SERGEF: variants seen among roughly 807,000 people sequenced by gnomAD.
The protein encoded by SERGEF is secretion-regulating guanine nucleotide exchange factor.
In SERGEF, 51 loss-of-function variants were observed where a neutral mutation model predicts 50.0. The observed-to-expected ratio is 1.02, with a 90% CI of 0.81 to 1.29. The LOEUF (loss-of-function observed/expected upper bound fraction) is 1.29. Ranked by LOEUF, SERGEF falls within the 50% of genes most tolerant of loss-of-function variation. The pLI, the probability that SERGEF is intolerant of heterozygous loss-of-function variation, is 0.00. For synonymous variants in SERGEF, 205 were observed against 212.4 expected, an observed-to-expected ratio of 0.97 and a Z score of 0.30; for missense variants, 521 against 557.0, an observed-to-expected ratio of 0.94 and a Z score of 0.65.
intron 10 of SERGEF, among the ~76,000 whole-genome samples, chr11:17,810,630 C>A (rs558615193): frequency 6.6e-6 from 1 of 152,326 alleles, no homozygotes; most frequent in Non-Finnish European, 1.5e-5. Context: ...TTTATTTCAC[C>A]TGTCCATGTC....
At chr11:18,011,137 T>C (rs867440194) in intron 1 of SERGEF, among the ~76,000 whole-genome samples, 9 of 147,732 alleles carry the variant, frequency 6.1e-5, no homozygotes, top group South Asian at 2.2e-4. Flanking sequence ...CATGCACACA[T>C]ACACACACAC....
intron 10 of SERGEF, among the ~76,000 whole-genome samples, chr11:17,865,162 C>CT (rs1243632244): frequency 6.6e-6 from 1 of 152,164 alleles, no homozygotes; most frequent in African/African-American, 2.4e-5. Flanking sequence ...TTCCTATTGC[C>CT]TACTGCCATA....
chr11:17,861,812 A>C (rs1850931686), intron 10 of SERGEF, among the ~76,000 whole-genome samples: 1 of 152,228 alleles, frequency 6.6e-6, no homozygotes. Flanking sequence ...TCAGACTGTA[A>C]ATCATGACAT....
At chr11:17,931,776 C>T (rs1343907978) in intron 9 of SERGEF, among the ~76,000 whole-genome samples, 2 of 152,176 alleles carry the variant, frequency 1.3e-5, no homozygotes, top group Non-Finnish European at 2.9e-5. Flanking sequence ...TAAGTATCAA[C>T]ACCACCTGGG....
At chr11:17,808,737 C>T (rs960062374) in intron 10 of SERGEF, among the ~76,000 whole-genome samples, 1 of 152,208 alleles carries the variant, frequency 6.6e-6, no homozygotes, top group Non-Finnish European at 1.5e-5. Context: ...TATGACTGAT[C>T]CCTATCTCAA....
chr11:17,807,062 G>A (rs576285052), intron 10 of SERGEF, among the ~76,000 whole-genome samples: 2 of 152,038 alleles, frequency 1.3e-5, no homozygotes, highest in Non-Finnish European at 2.9e-5. Context: ...CCCCCAACTC[G>A]ATGGAATAGC....
intron 9 of SERGEF, among the ~76,000 whole-genome samples, chr11:17,882,912 G>T (rs758652976): frequency 2.0e-5 from 3 of 152,186 alleles, no homozygotes; most frequent in Non-Finnish European, 4.4e-5. Context: ...GTCAGTTACA[G>T]GAAACAGGAC....
chr11:18,012,702 C>T, intron 1 of SERGEF: 2 of 1,204,196 alleles, frequency 1.7e-6, no homozygotes, highest in Non-Finnish European at 2.2e-6. Context: ...GTTCTTCCCG[C>T]GGCGCCACAG....
At chr11:18,008,139 C>G in intron 1 of SERGEF, 63 bp from the exon 2 acceptor site, 1 of 1,483,398 alleles carries the variant, frequency 6.7e-7, no homozygotes, top group East Asian at 2.3e-5. Flanking sequence ...GTCTATTTAC[C>G]TGTCTCTGTC....
At chr11:17,973,937 C>T (rs1343137475) in intron 8 of SERGEF, among the ~76,000 whole-genome samples, 2 of 152,110 alleles carry the variant, frequency 1.3e-5, no homozygotes, top group South Asian at 2.1e-4. Context: ...CAAGGACCCA[C>T]CAGGAAAGGG....
chr11:17,883,942 G>C (rs1460907184), intron 9 of SERGEF, among the ~76,000 whole-genome samples: 1 of 152,198 alleles, frequency 6.6e-6, no homozygotes, highest in African/African-American at 2.4e-5. Flanking sequence ...TTCTAAACGG[G>C]GAAATCGGGG....
At chr11:17,845,018 G>A (rs938224852) in intron 10 of SERGEF, among the ~76,000 whole-genome samples, 11 of 152,102 alleles carry the variant, frequency 7.2e-5, no homozygotes, top group Non-Finnish European at 1.2e-4. Flanking sequence ...CATGCAGCTC[G>A]CTGCCCGTGG....
intron 9 of SERGEF, among the ~76,000 whole-genome samples, chr11:17,882,773 T>A (rs1258449927): frequency 6.6e-6 from 1 of 152,128 alleles, no homozygotes; most frequent in Non-Finnish European, 1.5e-5. Flanking sequence ...AGACAGACCC[T>A]GACATGCACA....
chr11:17,993,127 G>C (rs1210346592), intron 6 of SERGEF, 134 bp from the exon 7 acceptor site: 1 of 650,940 alleles, frequency 1.5e-6, no homozygotes, highest in Non-Finnish European at 2.7e-6. Context: ...CAGCAGCACT[G>C]GCCAAGAAGA....
At chr11:17,918,625 G>GACACACACACACACACACACACAC (rs141971282) in intron 9 of SERGEF, 2 of 298,744 alleles carry the variant, frequency 6.7e-6, no homozygotes, top group African/African-American at 4.8e-5. Flanking sequence ...AGCAGGAACA[G>GACACACACACACACACACACACAC]ACACACACAC....
intron 8 of SERGEF, among the ~76,000 whole-genome samples, chr11:17,979,925 A>T (rs1853459446): frequency 6.6e-6 from 1 of 152,210 alleles, no homozygotes; most frequent in African/African-American, 2.4e-5. Flanking sequence ...GGGAAAGGGG[A>T]AAGTAATCAA....
intron 9 of SERGEF, chr11:17,918,657 C>CACAT (rs1555011927): frequency 0.02 from 7,745 of 395,072 alleles, 33 homozygotes; most frequent in South Asian, 0.024. Context: ...CACACATACA[C>CACAT]ACACACTCTC....
At chr11:17,866,664 C>T (rs1851031094) in intron 10 of SERGEF, 1 of 152,292 alleles carries the variant, frequency 6.6e-6, no homozygotes, top group African/African-American at 2.4e-5. Context: ...GCCACTAAGC[C>T]CAGCTAATTT....
intron 10 of SERGEF, among the ~76,000 whole-genome samples, chr11:17,869,829 G>A (rs1851104410): frequency 6.6e-6 from 1 of 152,196 alleles, no homozygotes; most frequent in Non-Finnish European, 1.5e-5. Context: ...TAGAGCCTAT[G>A]AATATGTTTT....
Sources: gnomAD v4.1 joint callset for allele counts (sites outside exome capture counted in the v4.1 genomes callset) on GRCh38, gnomAD v4.1.1 for gene constraint, MANE v1.5 for transcripts, NCBI Gene and HGNC (gene_info 2026-07-23, HGNC 2026-07-21) for gene names.